Variants in THRB observed in about 807,000 individuals in gnomAD.
The protein encoded by THRB is nuclear receptor subfamily 1 group A member 2.
THRB carries 12 observed loss-of-function variants against 47.8 expected under a neutral mutation model. The ratio of observed to expected loss-of-function variants is 0.25; its 90% CI spans 0.16 to 0.41. THRB has a LOEUF of 0.41. Among genes scored for constraint, THRB ranks in the 10% least tolerant of loss-of-function variants. THRB has a pLI of 1.00. For missense variants in THRB, 348 were observed against 589.2 expected (o/e 0.59, Z 4.24); for synonymous variants, 218 against 212.2 (o/e 1.03, Z -0.24).
At chr3:24,148,402 T>C (rs1008602619) in intron 6 of THRB, among the ~76,000 whole-genome samples, 2 of 151,764 alleles carry the variant, frequency 1.3e-5, no homozygotes, top group African/African-American at 4.8e-5. Flanking sequence ...GCTGGGATTA[T>C]AGGCGTGAGC....
chr3:24,298,826 C>T (rs2056662941), intron 2 of THRB, among the ~76,000 whole-genome samples: 1 of 152,204 alleles, frequency 6.6e-6, no homozygotes, highest in Non-Finnish European at 1.5e-5. Flanking sequence ...AAAAGGGTCT[C>T]TAGACATGAT....
intron 2 of THRB, among the ~76,000 whole-genome samples, chr3:24,299,196 C>T (rs150014780): frequency 0.019 from 2,585 of 139,072 alleles, 51 homozygotes; most frequent in Non-Finnish European, 0.021. Flanking sequence ...TGCAGTGAGC[C>T]GAGATAGTGC....
At chr3:24,471,898 GC>G (rs1432390425) in intron 1 of THRB, among the ~76,000 whole-genome samples, 2 of 152,100 alleles carry the variant, frequency 1.3e-5, no homozygotes, top group Non-Finnish European at 2.9e-5. Flanking sequence ...TTCTTCTGAG[GC>G]TTCCCTTTGT....
At chr3:24,367,427 A>G (rs1486719344) in intron 1 of THRB, among the ~76,000 whole-genome samples, 1 of 152,186 alleles carries the variant, frequency 6.6e-6, no homozygotes, top group Non-Finnish European at 1.5e-5. Context: ...GCGACATGAA[A>G]TAACAATTCC....
intron 3 of THRB, among the ~76,000 whole-genome samples, chr3:24,273,660 G>T (rs569343982): frequency 1.5e-4 from 23 of 152,242 alleles, no homozygotes; most frequent in African/African-American, 5.5e-4. Flanking sequence ...AGTCTTTATT[G>T]ATCCAACTTA....
At chr3:24,169,674 TA>T (rs1310635602) in intron 5 of THRB, among the ~76,000 whole-genome samples, 1 of 147,924 alleles carries the variant, frequency 6.8e-6, no homozygotes, top group Non-Finnish European at 1.5e-5. Flanking sequence ...ATAATAATTA[TA>T]ATAATATATA....
At chr3:24,330,872 A>C (rs1309157702) in intron 2 of THRB, among the ~76,000 whole-genome samples, 1 of 152,230 alleles carries the variant, frequency 6.6e-6, no homozygotes, top group East Asian at 1.9e-4. Flanking sequence ...TGTAAAAGCT[A>C]AAATAAAAAG....
intron 1 of THRB, among the ~76,000 whole-genome samples, chr3:24,375,097 T>A (rs974414115): frequency 4.0e-5 from 6 of 151,762 alleles, no homozygotes; most frequent in Non-Finnish European, 7.4e-5. Context: ...ACTTTCCTTT[T>A]ATAAAAGCTC....
chr3:24,358,369 AGTTATTTT>A (rs2063831647), intron 1 of THRB, among the ~76,000 whole-genome samples: 1 of 151,624 alleles, frequency 6.6e-6, no homozygotes, highest in African/African-American at 2.4e-5. Flanking sequence ...GGCACTCCAG[AGTTATTTT>A]TAAAAACTTG....
Position 24,329,135 on chromosome 3 carries a change from G to T in THRB, c.-189+8165C>A, listed in dbSNP as rs1163338214. Among the ~76,000 whole-genome samples the T allele has an allele frequency of 3.3e-5, 5 of 151,932 alleles. 1 individual carries two copies. ...CTAATTTTTTGATTTTGTAGAGATG[G>T]GGTCTTGCTATGTTGCCTAGGGTGG... On this transcript the variant is annotated intron_variant, in intron 2 of 10. Coordinates refer to ENST00000646209, the MANE Select transcript of THRB (RefSeq NM_001354712.2).
chr3:24,433,069 A>G (rs1418070624), intron 1 of THRB, among the ~76,000 whole-genome samples: 2 of 152,140 alleles, frequency 1.3e-5, no homozygotes, highest in Non-Finnish European at 2.9e-5. Context: ...ACAGATAAAG[A>G]ATGAATGACT....
intron 1 of THRB, among the ~76,000 whole-genome samples, chr3:24,352,147 G>T (rs1428665892): frequency 1.3e-5 from 2 of 152,106 alleles, no homozygotes; most frequent in African/African-American, 4.8e-5. Context: ...AAACATGTTG[G>T]AAGGAACTAG....
rs1346328943 is a variant in THRB, at chr3:24,187,347, G to A, written c.283+2727C>T. Among the ~76,000 whole-genome samples the A allele has an allele frequency of 6.6e-5, 10 of 152,180 alleles. 1 individual carries two copies. Among genetic ancestry groups the A allele is most frequent in the Admixed American group, 6.5e-4 (10 of 15,282 alleles). On this transcript the variant is annotated intron_variant, in intron 5 of 10. Coordinates refer to ENST00000646209, the MANE Select transcript of THRB (RefSeq NM_001354712.2). ...AGAAGAGTGCCAGTCCCCAAACCAC[G>A]CTTAGAAGTGCACTGGTCTAGCCTG...
chr3:24,232,185 G>C (rs1452183251), intron 3 of THRB, among the ~76,000 whole-genome samples: 1 of 152,170 alleles, frequency 6.6e-6, no homozygotes, highest in Non-Finnish European at 1.5e-5. Context: ...TAGTCTTCTA[G>C]GCAACTGCTA....
chr3:24,203,783 C>A (rs1477446088), intron 4 of THRB, among the ~76,000 whole-genome samples: 1 of 152,222 alleles, frequency 6.6e-6, no homozygotes, highest in Admixed American at 6.5e-5. Flanking sequence ...CAGACGGCAC[C>A]TGGAAAATCA....
chr3:24,424,203 C>T (rs2069540198), intron 1 of THRB, among the ~76,000 whole-genome samples: 1 of 151,842 alleles, frequency 6.6e-6, no homozygotes, highest in Non-Finnish European at 1.5e-5. Flanking sequence ...CCACCCTCCG[C>T]CCACCTTCCA....
chr3:24,280,955 G>T (rs530032324), intron 3 of THRB, among the ~76,000 whole-genome samples: 1 of 152,072 alleles, frequency 6.6e-6, no homozygotes, highest in Non-Finnish European at 1.5e-5. Flanking sequence ...CCAAATCTAC[G>T]TCTGATTGGT....
chr3:24,387,728 T>C (rs2066239803), intron 1 of THRB, among the ~76,000 whole-genome samples: 1 of 152,092 alleles, frequency 6.6e-6, no homozygotes, highest in African/African-American at 2.4e-5. Flanking sequence ...TCCTTAGAAA[T>C]GCTCCAAATA....
chr3:24,387,374 C>T (rs1000917378), intron 1 of THRB, among the ~76,000 whole-genome samples: 2 of 152,126 alleles, frequency 1.3e-5, no homozygotes, highest in African/African-American at 2.4e-5. Flanking sequence ...ACTCCCTTAA[C>T]ACATTATAAC....
Sources: gnomAD v4.1 joint callset for allele counts (sites outside exome capture counted in the v4.1 genomes callset) on GRCh38, gnomAD v4.1.1 for gene constraint, MANE v1.5 for transcripts, NCBI Gene and HGNC (gene_info 2026-07-23, HGNC 2026-07-21) for gene names.